The following NRXN1 variants were observed in gnomAD, a reference collection of about 807,000 sequenced individuals.
The protein encoded by NRXN1 is neurexin 1.
In NRXN1, 39 loss-of-function variants were observed where a neutral mutation model predicts 150.9. The ratio of observed to expected loss-of-function variants is 0.26; its 90% CI spans 0.20 to 0.34. The LOEUF (loss-of-function observed/expected upper bound fraction) is 0.34. Ranked by LOEUF, NRXN1 falls within the 10% of genes least tolerant of loss-of-function variation. The pLI, the probability that NRXN1 is intolerant of heterozygous loss-of-function variation, is 1.00. For synonymous variants in NRXN1, 924 were observed against 757.0 expected (o/e 1.22, Z -3.62); for missense variants, 1,815 against 1,949.9 (o/e 0.93, Z 1.30).
At chr2:50,975,973 T>C (rs542114420) in intron 2 of NRXN1, among the ~76,000 whole-genome samples, 1 of 152,196 alleles carries the variant, frequency 6.6e-6, no homozygotes, top group East Asian at 1.9e-4. Flanking sequence ...AGGGACACTG[T>C]GGCACAATTC....
intron 5 of NRXN1, among the ~76,000 whole-genome samples, chr2:50,879,840 T>C (rs1679168261): frequency 6.6e-6 from 1 of 151,974 alleles, no homozygotes; most frequent in Non-Finnish European, 1.5e-5. Context: ...ATGGTCGTAA[T>C]GCTACAGAAA....
chr2:50,597,555 C>T (rs530019070), intron 8 of NRXN1, among the ~76,000 whole-genome samples: 3 of 152,260 alleles, frequency 2.0e-5, no homozygotes, highest in East Asian at 1.9e-4. Flanking sequence ...TTTTCTCCCA[C>T]GTCTCCTCAT....
chr2:50,316,984 A>G (rs2075660242), intron 17 of NRXN1, among the ~76,000 whole-genome samples: 1 of 152,028 alleles, frequency 6.6e-6, no homozygotes, highest in African/African-American at 2.4e-5. Context: ...AAAAGAAAAA[A>G]TAATAACTGT....
intron 5 of NRXN1, among the ~76,000 whole-genome samples, chr2:50,781,293 T>A (rs531344540): frequency 6.6e-6 from 1 of 152,130 alleles, no homozygotes; most frequent in African/African-American, 2.4e-5. Flanking sequence ...TACTGAAGAA[T>A]ATATGCATGG....
chr2:50,275,538 T>G (rs1199407242), intron 17 of NRXN1, among the ~76,000 whole-genome samples: 2 of 152,152 alleles, frequency 1.3e-5, no homozygotes, highest in Non-Finnish European at 2.9e-5. Flanking sequence ...TTGTCTTCAC[T>G]TACTATAGTC....
At position 50,093,009 on chromosome 2, in the gene NRXN1, T is replaced by A. The variant is rs189766335; in HGVS notation, c.3547-1515A>T. On this transcript the variant is annotated intron_variant, in intron 18 of 22. Transcript: ENST00000401669. The stretch of plus-strand genomic sequence containing the variant: ...TCTTTAAAATTTTTCTGTAGAGTTA[T>A]ATCACATGTGTTAAAAATGTATGTA... Among the ~76,000 whole-genome samples, 21 of 150,398 alleles carry A rather than the reference T, an allele frequency of 1.4e-4. No individual in the cohort carries two copies. The East Asian group carries it at 3.9e-3, about 28-fold the overall frequency.
At chr2:50,492,217 G>A (rs1324356472) in intron 15 of NRXN1, among the ~76,000 whole-genome samples, 2 of 152,164 alleles carry the variant, frequency 1.3e-5, no homozygotes, top group African/African-American at 2.4e-5. Flanking sequence ...TTCATTGCAT[G>A]TTGCTGCTTG....
intron 12 of NRXN1, among the ~76,000 whole-genome samples, chr2:50,507,174 T>G (rs530541508): frequency 2.0e-5 from 3 of 152,142 alleles, no homozygotes; most frequent in Non-Finnish European, 4.4e-5. Flanking sequence ...CTCTTATACC[T>G]GGTACCTCCA....
At chr2:50,228,699 A>G (rs1219084633) in intron 18 of NRXN1, among the ~76,000 whole-genome samples, 1 of 152,008 alleles carries the variant, frequency 6.6e-6, no homozygotes, top group African/African-American at 2.4e-5. Flanking sequence ...ATTAAATTTG[A>G]TCTTTCACCA....
chr2:50,798,709 C>A (rs995542409), intron 5 of NRXN1, among the ~76,000 whole-genome samples: 1 of 152,172 alleles, frequency 6.6e-6, no homozygotes. Context: ...AGCTACTCTA[C>A]TAAAGTCAAT....
chr2:50,805,222 T>TAA (rs113793528), intron 5 of NRXN1, among the ~76,000 whole-genome samples: 1 of 148,172 alleles, frequency 6.7e-6, no homozygotes, highest in African/African-American at 2.5e-5. Context: ...CATGAAAAAG[T>TAA]AAAAAAAAAA....
At chr2:50,156,887 A>C (rs2059054274) in intron 18 of NRXN1, among the ~76,000 whole-genome samples, 1 of 152,012 alleles carries the variant, frequency 6.6e-6, no homozygotes, top group African/African-American at 2.4e-5. Flanking sequence ...GTGCTATAAG[A>C]AAATGTCCTT....
chr2:50,083,471 T>C (rs560988597), intron 19 of NRXN1, among the ~76,000 whole-genome samples: 3 of 152,330 alleles, frequency 2.0e-5, no homozygotes, highest in South Asian at 2.1e-4. Flanking sequence ...ACTTCAAGAA[T>C]GAAGCCTCGG....
At chr2:50,381,904 G>A (rs2080998542) in intron 17 of NRXN1, among the ~76,000 whole-genome samples, 1 of 152,146 alleles carries the variant, frequency 6.6e-6, no homozygotes, top group Non-Finnish European at 1.5e-5. Flanking sequence ...GATGCATACA[G>A]TAGGAATGAT....
intron 4 of NRXN1, 47 bp downstream of exon 4, chr2:50,922,611 A>G (rs1000627754): frequency 5.6e-6 from 9 of 1,599,178 alleles, no homozygotes; most frequent in Non-Finnish European, 7.7e-6. Flanking sequence ...GCAGCTACAG[A>G]ACAAGAAAAC....
At chr2:50,068,601 T>C (rs955281090) in intron 19 of NRXN1, among the ~76,000 whole-genome samples, 2 of 152,182 alleles carry the variant, frequency 1.3e-5, no homozygotes, top group African/African-American at 4.8e-5. Flanking sequence ...GTAAAACAGA[T>C]ATTTGTAAGA....
In NRXN1 at chr2:50,214,634, TTAAA is replaced by T. The variant is rs1392333795; in HGVS notation, c.3546+22151_3546+22154del. 4.6e-5 allele frequency among the ~76,000 whole-genome samples: 7 copies of T among 152,024 alleles called. No individual in the cohort carries two copies. In the South Asian group the frequency reaches 6.2e-4, roughly 13 times the overall value. On this transcript the variant is annotated intron_variant, in intron 18 of 22. Transcript: ENST00000401669. ...TCTGTATTCTAGCTACTTTCAACTC[TTAAA>T]TAGAGAGCTTGACTTCTGATTTTTC... is the stretch of plus-strand genomic sequence containing the variant.
chr2:50,823,461 C>A (rs1670014524), intron 5 of NRXN1, among the ~76,000 whole-genome samples: 1 of 152,040 alleles, frequency 6.6e-6, no homozygotes, highest in Admixed American at 6.6e-5. Context: ...AATAGATACT[C>A]CATAAATTCT....
intron 18 of NRXN1, among the ~76,000 whole-genome samples, chr2:50,119,577 A>C (rs1337899678): frequency 6.6e-6 from 1 of 152,078 alleles, no homozygotes; most frequent in African/African-American, 2.4e-5. Flanking sequence ...AAAAAAAAAA[A>C]AACTATCATT....
Sources: gnomAD v4.1 joint callset for allele counts (sites outside exome capture counted in the v4.1 genomes callset) on GRCh38, gnomAD v4.1.1 for gene constraint, MANE v1.5 for transcripts, NCBI Gene and HGNC (gene_info 2026-07-23, HGNC 2026-07-21) for gene names.